The following PBRM1 variants were observed in gnomAD, a reference collection of about 807,000 sequenced individuals.
The protein encoded by PBRM1 is protein polybromo-1.
Under a neutral mutation model 194.5 loss-of-function variants are expected in PBRM1, and 27 were observed. The ratio of observed to expected loss-of-function variants is 0.14; its 90% CI spans 0.10 to 0.19. The LOEUF (loss-of-function observed/expected upper bound fraction) is 0.19. PBRM1 is among the 10% of genes least tolerant of loss of function. The probability of loss-of-function intolerance (pLI) is 1.00; values close to 1 mark genes in which losing one functional copy is unlikely to be tolerated. For synonymous variants in PBRM1, 655 were observed against 693.2 expected (o/e 0.94, Z 0.87); for missense variants, 1,466 against 2,077.2 (o/e 0.71, Z 5.72).
chr3:52,645,058 T>A (rs2096248333), intron 7 of PBRM1, among the ~76,000 whole-genome samples: 1 of 152,218 alleles, frequency 6.6e-6, no homozygotes, highest in African/African-American at 2.4e-5. Context: ...TCTAATGGTA[T>A]AATACAGTAA....
At chr3:52,596,481 G>C (rs60933134) in intron 17 of PBRM1, among the ~76,000 whole-genome samples, 1 of 72,398 alleles carries the variant, frequency 1.4e-5, no homozygotes, top group East Asian at 4.7e-4. Flanking sequence ...AAAAAAAAAA[G>C]AAATGTATCC....
chr3:52,603,705 T>G, exon 17 of PBRM1: 1 of 1,605,660 alleles, frequency 6.2e-7, no homozygotes, highest in Non-Finnish European at 8.5e-7. Context: ...GAAGTTCTAC[T>G]GCATCTTCAT....
At chr3:52,638,986 T>TGGGGG (rs71084199) in intron 10 of PBRM1, among the ~76,000 whole-genome samples, 2 of 57,884 alleles carry the variant, frequency 3.5e-5, no homozygotes, top group African/African-American at 6.6e-5. Context: ...CATTTTTTTT[T>TGGGGG]GGGGGGGGGG....
intron 10 of PBRM1, among the ~76,000 whole-genome samples, chr3:52,637,536 T>C (rs958616724): frequency 1.3e-5 from 2 of 151,672 alleles, no homozygotes; most frequent in African/African-American, 2.4e-5. Context: ...CAGAGGCTGA[T>C]GTGGAAAGAT....
At chr3:52,629,343 C>A (rs147535506) in intron 11 of PBRM1, among the ~76,000 whole-genome samples, 1 of 152,094 alleles carries the variant, frequency 6.6e-6, no homozygotes, top group Non-Finnish European at 1.5e-5. Flanking sequence ...TTGGAAAAAA[C>A]CCTAATGGAA....
intron 17 of PBRM1, among the ~76,000 whole-genome samples, chr3:52,591,364 G>A (rs1176282187): frequency 2.6e-5 from 4 of 152,048 alleles, no homozygotes; most frequent in Middle Eastern, 3.2e-3. Flanking sequence ...CCAGCTTTTG[G>A]TTATTTCAGC....
chr3:52,604,652 C>T (rs1320766671), intron 16 of PBRM1, among the ~76,000 whole-genome samples: 5 of 151,784 alleles, frequency 3.3e-5, no homozygotes, highest in African/African-American at 9.7e-5. Context: ...ATGATGGCAC[C>T]GCTGCATTCC....
At chr3:52,679,245 T>A (rs1255147652) in intron 1 of PBRM1, among the ~76,000 whole-genome samples, 2 of 151,176 alleles carry the variant, frequency 1.3e-5, no homozygotes, top group Admixed American at 6.7e-5. Flanking sequence ...TACATTCTAC[T>A]TCCCCCGCCT....
chr3:52,611,952 G>T (rs903255257), intron 15 of PBRM1, among the ~76,000 whole-genome samples: 7 of 151,994 alleles, frequency 4.6e-5, no homozygotes, highest in African/African-American at 1.4e-4. Context: ...AGCTGGAGGG[G>T]AGTTTACAGA....
chr3:52,651,063 C>T (rs1477536157), intron 6 of PBRM1, among the ~76,000 whole-genome samples: 2 of 152,188 alleles, frequency 1.3e-5, no homozygotes, highest in Non-Finnish European at 2.9e-5. Flanking sequence ...AGTTACTTAA[C>T]ACTTCTGTGC....
intron 17 of PBRM1, among the ~76,000 whole-genome samples, chr3:52,597,082 G>A (rs1425125998): frequency 6.6e-6 from 1 of 152,168 alleles, no homozygotes; most frequent in Non-Finnish European, 1.5e-5. Context: ...GTGGGCATCG[G>A]CTGAGTTCCA....
chr3:52,638,361 CTTT>C (rs377016839), intron 10 of PBRM1, among the ~76,000 whole-genome samples: 7 of 141,492 alleles, frequency 4.9e-5, no homozygotes, highest in Admixed American at 7.1e-5. Context: ...TCATTTTATT[CTTT>C]TTTTTTTTTT....
chr3:52,578,820 G>C (rs1415291235), intron 21 of PBRM1, among the ~76,000 whole-genome samples: 1 of 152,228 alleles, frequency 6.6e-6, no homozygotes, highest in East Asian at 1.9e-4. Context: ...TTTACTGTAT[G>C]AAGTAGGCAG....
downstream of PBRM1, chr3:52,545,835 T>C (rs1575405878): frequency 4.3e-6 from 1 of 233,086 alleles, no homozygotes; most frequent in Admixed American, 5.6e-5. Flanking sequence ...AGTTTACTTG[T>C]ACTTTCTTGA....
chr3:52,547,942 T>C, downstream of PBRM1: 1 of 734,166 alleles, frequency 1.4e-6, no homozygotes, highest in Non-Finnish European at 2.2e-6. Context: ...GGCCTTGTGA[T>C]GTACAGTAAA....
intron 11 of PBRM1, among the ~76,000 whole-genome samples, chr3:52,630,382 C>T (rs1350372035): frequency 1.3e-5 from 2 of 152,118 alleles, no homozygotes; most frequent in Non-Finnish European, 2.9e-5. Flanking sequence ...ATATAGTAGC[C>T]ACTAGCCATG....
intron 16 of PBRM1, among the ~76,000 whole-genome samples, chr3:52,604,758 TG>T (rs1407815270): frequency 6.6e-6 from 1 of 151,350 alleles, no homozygotes; most frequent in Non-Finnish European, 1.5e-5. Context: ...CCCAGCACTT[TG>T]GGAGGCCAAG....
At chr3:52,618,071 T>C (rs573655735) in intron 13 of PBRM1, among the ~76,000 whole-genome samples, 1 of 152,340 alleles carries the variant, frequency 6.6e-6, no homozygotes, top group African/African-American at 2.4e-5. Flanking sequence ...CTAGTGTCTT[T>C]ACAGTGGGTA....
At chr3:52,604,088 C>T (rs1360996768) in intron 16 of PBRM1, among the ~76,000 whole-genome samples, 5 of 152,198 alleles carry the variant, frequency 3.3e-5, no homozygotes, top group Non-Finnish European at 4.4e-5. Context: ...ACAATATGTT[C>T]AACACTTACT....
Sources: gnomAD v4.1 joint callset for allele counts (sites outside exome capture counted in the v4.1 genomes callset) on GRCh38, gnomAD v4.1.1 for gene constraint, MANE v1.5 for transcripts, NCBI Gene and HGNC (gene_info 2026-07-23, HGNC 2026-07-21) for gene names.